The following NALF1 variants were observed in gnomAD, a reference collection of about 807,000 sequenced individuals.
NALF1 encodes NALCN channel auxiliary factor 1, also known as family with sequence similarity 155 member A.
NALF1 carries 3 observed loss-of-function variants against 48.4 expected under a neutral mutation model. The ratio of observed to expected loss-of-function variants is 0.06; its 90% confidence interval spans 0.03 to 0.16. NALF1 has a LOEUF of 0.16. Among genes scored for constraint, NALF1 ranks in the 10% least tolerant of loss-of-function variants. The pLI is 1.00. For missense variants in NALF1, 526 were observed against 571.5 expected (o/e 0.92, Z 0.81); for synonymous variants, 262 against 245.7 (o/e 1.07, Z -0.62).
chr13:107,441,764 G>A (rs930700637), intron 1 of NALF1, among the ~76,000 whole-genome samples: 1 of 152,236 alleles, frequency 6.6e-6, no homozygotes, highest in Non-Finnish European at 1.5e-5. Flanking sequence ...GTAGAGATAG[G>A]TGCAAGGAGA....
intron 1 of NALF1, among the ~76,000 whole-genome samples, chr13:107,594,334 CACAT>C (rs879335972): frequency 1.5e-4 from 23 of 151,984 alleles, no homozygotes; most frequent in Non-Finnish European, 2.9e-4. Flanking sequence ...TTATGAATAA[CACAT>C]AAATAAATGC....
At chr13:107,410,234 C>T (rs752183189) in intron 1 of NALF1, among the ~76,000 whole-genome samples, 47 of 152,148 alleles carry the variant, frequency 3.1e-4, no homozygotes, top group Non-Finnish European at 4.9e-4. Flanking sequence ...TTTAAATTCT[C>T]TGTGGCAGCT....
intron 1 of NALF1, among the ~76,000 whole-genome samples, chr13:107,469,378 T>C (rs1885059402): frequency 1.3e-5 from 2 of 152,316 alleles, no homozygotes; most frequent in South Asian, 2.1e-4. Flanking sequence ...ATGATTGTTA[T>C]ATGCCCAATT....
At chr13:107,775,217 C>T (rs1458770234) in intron 1 of NALF1, among the ~76,000 whole-genome samples, 2 of 126,392 alleles carry the variant, frequency 1.6e-5, no homozygotes, top group African/African-American at 5.8e-5. Flanking sequence ...CCCCCCACCC[C>T]ACAACAGTCC....
intron 1 of NALF1, among the ~76,000 whole-genome samples, chr13:107,762,834 C>G (rs1316172461): frequency 2.6e-5 from 4 of 151,926 alleles, no homozygotes; most frequent in Non-Finnish European, 5.9e-5. Context: ...GTCTTCCTTA[C>G]AAATATTTTT....
chr13:107,665,835 G>C (rs1798714488), intron 1 of NALF1, among the ~76,000 whole-genome samples: 3 of 152,098 alleles, frequency 2.0e-5, no homozygotes, highest in Non-Finnish European at 4.4e-5. Context: ...TTCAACATGA[G>C]CTCCATCAAG....
chr13:107,239,264 T>C (rs1372727613), intron 1 of NALF1, among the ~76,000 whole-genome samples: 1 of 152,208 alleles, frequency 6.6e-6, no homozygotes, highest in Admixed American at 6.5e-5. Context: ...CGACAGGCCA[T>C]GCTCTCTCCA....
At position 107,412,928 on chromosome 13, in the gene NALF1, T is replaced by C. The variant is rs148676788; in HGVS notation, c.916-202173A>G. ...AATATGATTTTGTGGAGGTAGAGTA[T>C]TGCCTTGTTTTACAGCAAAAGTACC... On this transcript the variant is annotated intron_variant, in intron 1 of 2. Transcript: ENST00000375915. Among the ~76,000 whole-genome samples, 63 of 152,326 alleles carry C rather than the reference T, an allele frequency of 4.1e-4. No homozygotes were observed. In the East Asian group the frequency reaches 7.7e-3, roughly 19 times the overall value.
intron 2 of NALF1, among the ~76,000 whole-genome samples, chr13:107,204,900 G>A (rs4303341): frequency 0.8 from 121,617 of 151,994 alleles, 48,888 homozygotes; most frequent in East Asian, 0.95. Context: ...ATACGCATAC[G>A]CAGGGGAAAA....
rs1471468676 is a variant in NALF1 at position 107,783,021 on chromosome 13, G to C, written c.915+82661C>G. ...GCCCCGTCCGGGAGGGAGGTGGGGG[G>C]TCAGCCCCCCGCCCGGCCAGCCGCC... On this transcript the variant is annotated intron_variant, in intron 1 of 2. Coordinates refer to ENST00000375915, the MANE Select transcript of NALF1 (RefSeq NM_001080396.3). 1.4e-5 allele frequency among the ~76,000 whole-genome samples: 2 copies of C among 145,996 alleles called. 1 individual carries two copies. The highest frequency in any genetic ancestry group is 5.1e-5 in the African/African-American group (2 of 39,030).
At chr13:107,528,261 T>C (rs1248212827) in intron 1 of NALF1, among the ~76,000 whole-genome samples, 3 of 152,130 alleles carry the variant, frequency 2.0e-5, no homozygotes, top group Admixed American at 6.6e-5. Flanking sequence ...AATATGTTCA[T>C]GTAAATAACA....
At chr13:107,299,202 G>A (rs1409007429) in intron 1 of NALF1, among the ~76,000 whole-genome samples, 10 of 152,044 alleles carry the variant, frequency 6.6e-5, no homozygotes, top group East Asian at 1.9e-4. Flanking sequence ...CAGCGCATCC[G>A]ATTGGAGGGT....
chr13:107,336,139 G>C (rs1171621715), intron 1 of NALF1, among the ~76,000 whole-genome samples: 1 of 152,060 alleles, frequency 6.6e-6, no homozygotes, highest in African/African-American at 2.4e-5. Context: ...ATCACTTGAG[G>C]CTAGGAATTC....
intron 1 of NALF1, among the ~76,000 whole-genome samples, chr13:107,306,071 T>A (rs1422622904): frequency 1.3e-5 from 2 of 152,200 alleles, no homozygotes; most frequent in African/African-American, 2.4e-5. Context: ...GATGTGTGAA[T>A]AAAAACGCAT....
intron 1 of NALF1, among the ~76,000 whole-genome samples, chr13:107,465,738 A>T (rs1384883761): frequency 2.0e-5 from 3 of 152,132 alleles, no homozygotes; most frequent in Admixed American, 2.0e-4. Context: ...TACACAACAG[A>T]AATGTCTTGC....
chr13:107,686,069 G>A (rs763246402), intron 1 of NALF1, among the ~76,000 whole-genome samples: 28 of 152,356 alleles, frequency 1.8e-4, no homozygotes, highest in Non-Finnish European at 3.2e-4. Context: ...TGGGCCTCGA[G>A]GGGAGGACGG....
intron 1 of NALF1, among the ~76,000 whole-genome samples, chr13:107,854,826 A>AT (rs1880402777): frequency 6.6e-6 from 1 of 150,894 alleles, no homozygotes; most frequent in South Asian, 2.1e-4. Context: ...GTGAGCCAAG[A>AT]TGGCGCCACT....
chr13:107,783,438 A>C (rs1228211896), intron 1 of NALF1, among the ~76,000 whole-genome samples: 7 of 152,190 alleles, frequency 4.6e-5, no homozygotes, highest in Admixed American at 4.6e-4. Flanking sequence ...AAGGCAGGGA[A>C]AGGATTGAGA....
chr13:107,840,232 G>A (rs1880006851), intron 1 of NALF1, among the ~76,000 whole-genome samples: 1 of 152,228 alleles, frequency 6.6e-6, no homozygotes, highest in East Asian at 1.9e-4. Context: ...TTTGGGACTG[G>A]AAACTGCAGA....
Sources: gnomAD v4.1 joint callset for allele counts (sites outside exome capture counted in the v4.1 genomes callset) on GRCh38, gnomAD v4.1.1 for gene constraint, MANE v1.5 for transcripts, NCBI Gene and HGNC (gene_info 2026-07-23, HGNC 2026-07-21) for gene names.